The following IL1RAPL2 variants were observed in gnomAD, a reference collection of about 807,000 sequenced individuals.
The protein encoded by IL1RAPL2 is X-linked interleukin-1 receptor accessory protein-like 2.
In IL1RAPL2, 3 loss-of-function variants were observed where a neutral mutation model predicts 44.1. That is an observed-to-expected ratio of 0.07 (90% CI 0.03 to 0.18). The LOEUF (loss-of-function observed/expected upper bound fraction) is 0.18. IL1RAPL2 is among the 10% of genes least tolerant of loss of function. The probability of loss-of-function intolerance (pLI) is 1.00; values close to 1 mark genes in which losing one functional copy is unlikely to be tolerated. For synonymous variants in IL1RAPL2, 181 were observed against 178.8 expected (o/e 1.01, Z -0.10); for missense variants, 391 against 496.4 (o/e 0.79, Z 2.02).
chrX:105,669,729 A>G lies in IL1RAPL2; in HGVS notation c.773-47638A>G, dbSNP rs1401932353. Among the ~76,000 whole-genome samples the G allele has an allele frequency of 7.3e-5, 8 of 110,341 alleles. No individual in the cohort carries two copies. The East Asian group carries it at 2.3e-3, about 32-fold the overall frequency. ...ACAGAACAGTTCTATCCTGACAGAAATCCTTCATGTTGCACTTCTATAGTA... is the reference window on the plus strand; with the variant it reads ...ACAGAACAGTTCTATCCTGACAGAAGTCCTTCATGTTGCACTTCTATAGTA... On this transcript the variant is annotated intron_variant, in intron 6 of 10. Transcript: ENST00000372582.
intron 1 of IL1RAPL2, among the ~76,000 whole-genome samples, chrX:104,589,114 T>C (rs141627884): frequency 2.8e-4 from 31 of 111,631 alleles, no homozygotes; most frequent in Non-Finnish European, 5.5e-4. Context: ...AGCAGCAGGA[T>C]ATAAATAACT....
In IL1RAPL2 at chrX:104,944,489, T is replaced by C. The variant is rs146423287; in HGVS notation, c.83-250986T>C. Among the ~76,000 whole-genome samples the C allele has an allele frequency of 8.4e-3, 936 of 111,961 alleles. 11 individuals are homozygous for C. The highest frequency in any genetic ancestry group is 0.027 in the African/African-American group (848 of 30,897). ...AATATATGTGCACAATTAGCACAAA[T>C]TGATCTTGCTATGTGAACTTTAATT... On this transcript the variant is annotated intron_variant, in intron 2 of 10. Coordinates refer to ENST00000372582, the MANE Select transcript of IL1RAPL2 (RefSeq NM_017416.2).
At chrX:105,072,279 C>T (rs186621152) in intron 2 of IL1RAPL2, among the ~76,000 whole-genome samples, 32 of 111,920 alleles carry the variant, frequency 2.9e-4, no homozygotes, top group African/African-American at 9.1e-4. Flanking sequence ...TCCGCAGAAC[C>T]ATTAGTCAAT....
At chrX:104,943,106 T>C (rs1233586147) in intron 2 of IL1RAPL2, among the ~76,000 whole-genome samples, 3 of 111,566 alleles carry the variant, frequency 2.7e-5, no homozygotes, top group East Asian at 2.8e-4. Context: ...CAGTATTTTA[T>C]TGAGGATTTT....
intron 6 of IL1RAPL2, among the ~76,000 whole-genome samples, chrX:105,506,330 C>T (rs777402752): frequency 1.8e-5 from 2 of 111,656 alleles, no homozygotes; most frequent in African/African-American, 6.5e-5. Context: ...GCCACTCATG[C>T]GGTTCCATTC....
intron 6 of IL1RAPL2, among the ~76,000 whole-genome samples, chrX:105,701,194 G>A (rs1471774473): frequency 9.0e-6 from 1 of 111,585 alleles, no homozygotes; most frequent in Non-Finnish European, 1.9e-5. Context: ...TGGAATTTTG[G>A]GCACTATGCA....
intron 2 of IL1RAPL2, among the ~76,000 whole-genome samples, chrX:104,790,124 A>G (rs907653653): frequency 8.9e-6 from 1 of 111,935 alleles, no homozygotes; most frequent in African/African-American, 3.2e-5. Flanking sequence ...GCTGTAATTC[A>G]ATAATAAATA....
chrX:105,475,886 A>G (rs2036195044), intron 5 of IL1RAPL2, among the ~76,000 whole-genome samples: 2 of 112,227 alleles, frequency 1.8e-5, no homozygotes, highest in South Asian at 7.2e-4. Flanking sequence ...AAGCTTTCCC[A>G]AAGCTCATGC....
intron 2 of IL1RAPL2, among the ~76,000 whole-genome samples, chrX:105,173,342 G>A (rs1330949284): frequency 8.9e-6 from 1 of 111,919 alleles, no homozygotes; most frequent in African/African-American, 3.2e-5. Context: ...GACAGAGCCA[G>A]GAGCAATGCG....
At chrX:105,506,501 C>A (rs2036432175) in intron 6 of IL1RAPL2, among the ~76,000 whole-genome samples, 1 of 111,374 alleles carries the variant, frequency 9.0e-6, no homozygotes, top group Non-Finnish European at 1.9e-5. Context: ...TACTTCATTT[C>A]TCTCTTCTAA....
At chrX:104,785,937 C>T (rs1195712108) in intron 2 of IL1RAPL2, among the ~76,000 whole-genome samples, 1 of 112,091 alleles carries the variant, frequency 8.9e-6, no homozygotes, top group Non-Finnish European at 1.9e-5. Flanking sequence ...AGCTCCTCAT[C>T]AGAATGCACT....
chrX:105,543,256 T>A (rs1360788348), intron 6 of IL1RAPL2, among the ~76,000 whole-genome samples: 1 of 112,009 alleles, frequency 8.9e-6, no homozygotes, highest in African/African-American at 3.2e-5. Flanking sequence ...CTTGAGTACA[T>A]ACTGTATGGC....
chrX:104,700,174 G>T (rs759580145), intron 2 of IL1RAPL2, among the ~76,000 whole-genome samples: 38 of 111,953 alleles, frequency 3.4e-4, no homozygotes, highest in African/African-American at 1.2e-3. Context: ...AACGACACAG[G>T]GGTAGTAAGA....
intron 2 of IL1RAPL2, among the ~76,000 whole-genome samples, chrX:105,159,468 A>C (rs181069190): frequency 1.2e-4 from 13 of 112,516 alleles, no homozygotes; most frequent in Non-Finnish European, 5.6e-5. Context: ...ATAGGAAATG[A>C]GATATGAAAT....
intron 6 of IL1RAPL2, among the ~76,000 whole-genome samples, chrX:105,522,650 C>G (rs1809230086): frequency 8.9e-6 from 1 of 112,149 alleles, no homozygotes; most frequent in African/African-American, 3.2e-5. Flanking sequence ...GTATTCTTGA[C>G]TTGATCTTAC....
chrX:104,674,083 C>G (rs986894165), intron 2 of IL1RAPL2, among the ~76,000 whole-genome samples: 8 of 111,305 alleles, frequency 7.2e-5, no homozygotes, highest in Non-Finnish European at 9.4e-5. Context: ...AATTAAATAC[C>G]CTTTATTTCT....
intron 9 of IL1RAPL2, among the ~76,000 whole-genome samples, chrX:105,749,319 T>C (rs763445326): frequency 8.9e-6 from 1 of 112,310 alleles, no homozygotes; most frequent in African/African-American, 3.2e-5. Context: ...ATGCTATGTA[T>C]GTTTTTTGAA....
intron 2 of IL1RAPL2, among the ~76,000 whole-genome samples, chrX:104,992,507 A>G (rs1051473474): frequency 2.7e-5 from 3 of 111,144 alleles, no homozygotes; most frequent in African/African-American, 6.5e-5. Flanking sequence ...GCCATAGATT[A>G]TTGCTGCATA....
At chrX:105,035,529 A>G (rs1415947727) in intron 2 of IL1RAPL2, among the ~76,000 whole-genome samples, 1 of 112,284 alleles carries the variant, frequency 8.9e-6, no homozygotes, top group Non-Finnish European at 1.9e-5. Context: ...TTAAGAAACT[A>G]ATAGTCTCTG....
Sources: gnomAD v4.1 joint callset for allele counts (sites outside exome capture counted in the v4.1 genomes callset) on GRCh38, gnomAD v4.1.1 for gene constraint, MANE v1.5 for transcripts, NCBI Gene and HGNC (gene_info 2026-07-23, HGNC 2026-07-21) for gene names.